The following SGCZ variants were observed in gnomAD, a reference collection of about 807,000 sequenced individuals.
SGCZ encodes sarcoglycan zeta, also known as zeta-sarcoglycan.
SGCZ carries 40 observed loss-of-function variants against 41.3 expected under a neutral mutation model. The observed-to-expected ratio is 0.97, with a 90% CI of 0.75 to 1.26. SGCZ has a LOEUF of 1.26. Among genes scored for constraint, SGCZ ranks in the 50% most tolerant of loss-of-function variants. SGCZ has a pLI of 0.00. For missense variants in SGCZ, 552 were observed against 369.8 expected (o/e 1.49, Z -4.04); for synonymous variants, 206 against 137.5 (o/e 1.50, Z -3.49).
chr8:14,983,325 G>A (rs1801731584), intron 1 of SGCZ, among the ~76,000 whole-genome samples: 2 of 151,728 alleles, frequency 1.3e-5, no homozygotes, highest in East Asian at 1.9e-4. Context: ...AGCACACCAG[G>A]TGGCTACGGC....
Position 14,786,822 on chromosome 8 carries a change from G to C in SGCZ, c.40-231896C>G, listed in dbSNP as rs370490188. Among the ~76,000 whole-genome samples, 10 of 141,306 alleles carry C rather than the reference G, an allele frequency of 7.1e-5. No homozygotes were observed. The East Asian group carries it at 1.5e-3, about 21-fold the overall frequency. The allele number at this position is 141,306 out of a possible 152,430, so 92.7% of individuals were successfully genotyped here. A position where few individuals can be genotyped will look rare whatever the true frequency, so the allele number is the denominator to read the frequency against. ...ATCCCATGTTTTACAAGGAGTGGAA[G>C]AGTTGGAAAGCAGGTTTAAAAAAAA... On this transcript the variant is annotated intron_variant, in intron 1 of 7. Coordinates refer to ENST00000382080, the MANE Select transcript of SGCZ (RefSeq NM_139167.4).
intron 1 of SGCZ, among the ~76,000 whole-genome samples, chr8:14,797,872 T>C (rs959514326): frequency 1.3e-5 from 2 of 152,088 alleles, no homozygotes; most frequent in Admixed American, 1.3e-4. Flanking sequence ...CTTCGTAGGG[T>C]GAAAACCCCA....
intron 1 of SGCZ, among the ~76,000 whole-genome samples, chr8:14,937,601 G>A (rs946994591): frequency 1.3e-5 from 2 of 151,914 alleles, no homozygotes; most frequent in Non-Finnish European, 2.9e-5. Flanking sequence ...ACATATATAC[G>A]TACGCATATA....
intron 2 of SGCZ, among the ~76,000 whole-genome samples, chr8:14,532,757 T>A (rs1440258310): frequency 1.3e-5 from 2 of 150,498 alleles, no homozygotes; most frequent in Non-Finnish European, 3.0e-5. Context: ...ATACAATAAG[T>A]GAAAAAGAAG....
At chr8:14,424,620 T>G (rs1412794254) in intron 2 of SGCZ, among the ~76,000 whole-genome samples, 1 of 128,892 alleles carries the variant, frequency 7.8e-6, no homozygotes, top group East Asian at 1.9e-4. Context: ...ACAGCTTTTG[T>G]TGTCATTTTT....
At chr8:14,737,283 A>G (rs1264373205) in intron 1 of SGCZ, among the ~76,000 whole-genome samples, 1 of 151,706 alleles carries the variant, frequency 6.6e-6, no homozygotes, top group Non-Finnish European at 1.5e-5. Context: ...ACTAATATTA[A>G]TTTTATAAAG....
intron 2 of SGCZ, among the ~76,000 whole-genome samples, chr8:14,381,332 A>C (rs13263674): frequency 6.6e-6 from 1 of 152,074 alleles, no homozygotes; most frequent in East Asian, 1.9e-4. Context: ...AAAACATACA[A>C]CCTTCTACAA....
At chr8:14,435,568 C>T (rs1259452365) in intron 2 of SGCZ, among the ~76,000 whole-genome samples, 1 of 152,048 alleles carries the variant, frequency 6.6e-6, no homozygotes, top group African/African-American at 2.4e-5. Flanking sequence ...TTCTGAGCCA[C>T]GATAGTAAGT....
intron 2 of SGCZ, among the ~76,000 whole-genome samples, chr8:14,506,009 T>G (rs1031135564): frequency 6.6e-6 from 1 of 152,072 alleles, no homozygotes; most frequent in Non-Finnish European, 1.5e-5. Flanking sequence ...TTTCTCATTC[T>G]TCTTTTTTTT....
At chr8:14,605,355 T>G (rs990263738) in intron 1 of SGCZ, among the ~76,000 whole-genome samples, 1 of 152,136 alleles carries the variant, frequency 6.6e-6, no homozygotes, top group Non-Finnish European at 1.5e-5. Flanking sequence ...GCAATCATAT[T>G]AGGGCAAATT....
At chr8:15,114,617 C>T (rs1287087099) in intron 1 of SGCZ, among the ~76,000 whole-genome samples, 1 of 152,116 alleles carries the variant, frequency 6.6e-6, no homozygotes, top group Non-Finnish European at 1.5e-5. Context: ...GTTAGAAGTA[C>T]AAACTAATCG....
chr8:15,074,027 A>G (rs1805444461), intron 1 of SGCZ, among the ~76,000 whole-genome samples: 1 of 152,136 alleles, frequency 6.6e-6, no homozygotes, highest in Admixed American at 6.5e-5. Flanking sequence ...CTCACAAGAA[A>G]ATAGGGTGTA....
chr8:14,838,940 G>A (rs941666523), intron 1 of SGCZ, among the ~76,000 whole-genome samples: 13 of 152,256 alleles, frequency 8.5e-5, no homozygotes, highest in African/African-American at 2.9e-4. Context: ...CAGGAAGCAG[G>A]TGGACCAAGC....
chr8:14,282,324 C>G (rs1016040872), intron 3 of SGCZ, among the ~76,000 whole-genome samples: 1 of 146,388 alleles, frequency 6.8e-6, no homozygotes, highest in African/African-American at 2.5e-5. Flanking sequence ...CTCACATTAC[C>G]ATTTGTCTGT....
chr8:14,758,757 C>T (rs1459903053), intron 1 of SGCZ, among the ~76,000 whole-genome samples: 3 of 152,070 alleles, frequency 2.0e-5, no homozygotes, highest in Admixed American at 2.0e-4. Flanking sequence ...GCCTATAATT[C>T]CAGCACTTTG....
chr8:14,264,690 G>T (rs537501145), intron 3 of SGCZ, among the ~76,000 whole-genome samples: 2 of 152,260 alleles, frequency 1.3e-5, no homozygotes, highest in East Asian at 1.9e-4. Flanking sequence ...TGCCGGGAGC[G>T]GAGTCTCACG....
chr8:14,404,443 A>G (rs28660422), intron 2 of SGCZ, among the ~76,000 whole-genome samples: 6,099 of 152,268 alleles, frequency 0.04, 385 homozygotes, highest in African/African-American at 0.14. Context: ...GGGAGAAAGT[A>G]AGAGAATTCA....
chr8:14,975,641 T>G (rs574329958), intron 1 of SGCZ, among the ~76,000 whole-genome samples: 2 of 152,038 alleles, frequency 1.3e-5, no homozygotes, highest in Admixed American at 6.6e-5. Flanking sequence ...TAACCTAATA[T>G]AGGACTCAGT....
intron 3 of SGCZ, among the ~76,000 whole-genome samples, chr8:14,257,627 C>T (rs776598684): frequency 7.3e-6 from 1 of 136,346 alleles, no homozygotes; most frequent in African/African-American, 2.6e-5. Context: ...TGCTATCCCT[C>T]CCTCCTCCCC....
Sources: allele counts gnomAD v4.1 joint callset (sites outside exome capture counted in the v4.1 genomes callset), GRCh38; gene constraint gnomAD v4.1.1; transcripts MANE v1.5; gene names NCBI Gene and HGNC (gene_info 2026-07-23, HGNC 2026-07-21).